RUNX1: variants seen among roughly 807,000 people sequenced by gnomAD.
RUNX1 encodes runt-related transcription factor 1.
Under a neutral mutation model 42.8 loss-of-function variants are expected in RUNX1, and 19 were observed. The ratio of observed to expected loss-of-function variants is 0.44; its 90% confidence interval spans 0.31 to 0.65. RUNX1 has a LOEUF of 0.65. Ranked by LOEUF, RUNX1 falls within the 30% of genes least tolerant of loss-of-function variation. The pLI is 0.07. For synonymous variants in RUNX1, 271 were observed against 289.4 expected, an observed-to-expected ratio of 0.94 and a Z score of 0.64; for missense variants, 528 against 672.0, an observed-to-expected ratio of 0.79 and a Z score of 2.37.
intron 2 of RUNX1, among the ~76,000 whole-genome samples, chr21:34,963,875 C>A (rs2058699085): frequency 6.6e-6 from 1 of 152,210 alleles, no homozygotes; most frequent in Admixed American, 6.5e-5. Flanking sequence ...GTACAAGGAA[C>A]CCTGAGCCTG....
intron 6 of RUNX1, among the ~76,000 whole-genome samples, chr21:34,839,755 C>T (rs1004328560): frequency 3.9e-5 from 6 of 152,082 alleles, no homozygotes; most frequent in Admixed American, 2.0e-4. Context: ...CTGAGGCTGC[C>T]GATACAGGGA....
At chr21:34,929,847 C>G (rs1417040560) in intron 2 of RUNX1, among the ~76,000 whole-genome samples, 1 of 152,096 alleles carries the variant, frequency 6.6e-6, no homozygotes, top group African/African-American at 2.4e-5. Context: ...CTCTTCAGAG[C>G]TCCTGAAGCT....
At chr21:34,863,702 A>G (rs554807563) in intron 5 of RUNX1, among the ~76,000 whole-genome samples, 1 of 151,778 alleles carries the variant, frequency 6.6e-6, no homozygotes, top group Non-Finnish European at 1.5e-5. Flanking sequence ...TTACATGTGC[A>G]TACCACCACA....
chr21:35,035,117 A>G (rs1463939261), intron 2 of RUNX1, among the ~76,000 whole-genome samples: 1 of 152,194 alleles, frequency 6.6e-6, no homozygotes, highest in Non-Finnish European at 1.5e-5. Context: ...ATAGTGTCCA[A>G]TTTAAAATCA....
intron 7 of RUNX1, among the ~76,000 whole-genome samples, chr21:34,827,593 A>T (rs1184012159): frequency 6.6e-6 from 1 of 152,150 alleles, no homozygotes; most frequent in African/African-American, 2.4e-5. Context: ...GAGCTCTAGG[A>T]GGGTAGAATG....
chr21:35,039,120 G>A (rs980516892), intron 2 of RUNX1, among the ~76,000 whole-genome samples: 1 of 152,198 alleles, frequency 6.6e-6, no homozygotes, highest in Non-Finnish European at 1.5e-5. Flanking sequence ...TGCCTAATGA[G>A]TTCACAAGGT....
intron 2 of RUNX1, among the ~76,000 whole-genome samples, chr21:34,964,578 T>C (rs1310816832): frequency 1.3e-5 from 2 of 152,062 alleles, no homozygotes; most frequent in African/African-American, 4.8e-5. Flanking sequence ...GGTACTAATC[T>C]AGAATTACAG....
chr21:35,046,970 G>A (rs967993138), intron 2 of RUNX1, among the ~76,000 whole-genome samples: 1 of 152,104 alleles, frequency 6.6e-6, no homozygotes, highest in African/African-American at 2.4e-5. Flanking sequence ...ATCGGGCACA[G>A]GAGCCCTGGG....
intron 2 of RUNX1, among the ~76,000 whole-genome samples, chr21:34,905,851 C>T (rs1160460735): frequency 6.6e-6 from 1 of 152,152 alleles, no homozygotes; most frequent in Non-Finnish European, 1.5e-5. Flanking sequence ...CGTAGCTTTT[C>T]CCCCTACAGA....
intron 2 of RUNX1, among the ~76,000 whole-genome samples, chr21:34,921,310 C>A (rs371137561): frequency 2.4e-3 from 362 of 152,302 alleles, no homozygotes; most frequent in African/African-American, 8.2e-3. Context: ...CCCCCTCCCC[C>A]ACAGCCTCTG....
intron 2 of RUNX1, among the ~76,000 whole-genome samples, chr21:34,933,588 C>T (rs901451783): frequency 1.3e-5 from 2 of 151,972 alleles, no homozygotes; most frequent in South Asian, 2.1e-4. Context: ...TTACTGTGTT[C>T]GACGTATAGT....
intron 3 of RUNX1, among the ~76,000 whole-genome samples, chr21:34,891,498 G>A (rs1569089609): frequency 6.6e-6 from 1 of 152,232 alleles, no homozygotes; most frequent in East Asian, 1.9e-4. Flanking sequence ...CCCTTAGTCG[G>A]CCGGGCATTT....
At chr21:34,839,513 A>G (rs1220706719) in intron 6 of RUNX1, among the ~76,000 whole-genome samples, 2 of 152,202 alleles carry the variant, frequency 1.3e-5, no homozygotes, top group Admixed American at 6.5e-5. Context: ...TTTAGATCTC[A>G]GAGACACGAA....
intron 2 of RUNX1, among the ~76,000 whole-genome samples, chr21:35,022,469 T>C (rs561008240): frequency 1.3e-5 from 2 of 152,358 alleles, no homozygotes; most frequent in East Asian, 1.9e-4. Context: ...CTTTGACTTA[T>C]AACATGTGCA....
chr21:34,846,891 G>A (rs551120808), intron 6 of RUNX1, among the ~76,000 whole-genome samples: 8 of 152,338 alleles, frequency 5.3e-5, no homozygotes, highest in African/African-American at 1.9e-4. Context: ...GCTGGCCTCT[G>A]GAGCCTTGGA....
rs113976857 is a variant in RUNX1 at position 34,988,289 on chromosome 21, A to G, written c.58+60553T>C. 7.0e-3 allele frequency among the ~76,000 whole-genome samples: 1,067 copies of G among 152,156 alleles called. 14 individuals carry two copies. The highest frequency in any genetic ancestry group is 0.025 in the African/African-American group (1,033 of 41,506). ...AAGGACTTGTGGACACAGCCGGGGG[A>G]AACATGGTTGCTAAGAGACTGGCAT... is the stretch of plus-strand genomic sequence containing the variant. On this transcript the variant is annotated intron_variant, in intron 2 of 8. Transcript: ENST00000675419.
rs887195994 is a variant in RUNX1, at chr21:34,982,811, G to A, written c.58+66031C>T. Among the ~76,000 whole-genome samples the A allele has an allele frequency of 1.6e-4, 24 of 152,202 alleles. No homozygotes were observed. In the South Asian group the frequency reaches 1.9e-3, roughly 12 times the overall value. On this transcript the variant is annotated intron_variant, in intron 2 of 8. Coordinates refer to ENST00000675419, the MANE Select transcript of RUNX1 (RefSeq NM_001754.5). ...TCTTGACCTCCTGACCTTGGGATCCGCCTGCCTTGGCCTCCCAAAGTGCTG... is the reference window on the plus strand; with the variant it reads ...TCTTGACCTCCTGACCTTGGGATCCACCTGCCTTGGCCTCCCAAAGTGCTG...
At chr21:34,988,986 T>C (rs1164685915) in intron 2 of RUNX1, among the ~76,000 whole-genome samples, 2 of 149,076 alleles carry the variant, frequency 1.3e-5, no homozygotes, top group African/African-American at 2.5e-5. Context: ...TGCCTTTGGC[T>C]GGCCCAGATC....
intron 2 of RUNX1, among the ~76,000 whole-genome samples, chr21:34,935,578 G>C (rs2058478578): frequency 6.6e-6 from 1 of 151,586 alleles, no homozygotes; most frequent in Admixed American, 6.6e-5. Context: ...AACAAGTTGA[G>C]ACACTTTTTT....
Sources: gnomAD v4.1 joint callset for allele counts (sites outside exome capture counted in the v4.1 genomes callset) on GRCh38, gnomAD v4.1.1 for gene constraint, MANE v1.5 for transcripts, NCBI Gene and HGNC (gene_info 2026-07-23, HGNC 2026-07-21) for gene names.